Variants in GRIP2 observed in about 807,000 individuals in gnomAD.
GRIP2 encodes the protein glutamate receptor interacting protein 2.
A neutral mutation model predicts 108.3 loss-of-function variants in GRIP2; 58 were observed. The observed-to-expected ratio is 0.54, with a 90% CI of 0.43 to 0.67. The LOEUF is 0.67. GRIP2 is among the 30% of genes least tolerant of loss of function. GRIP2 has a pLI of 0.00. For synonymous variants in GRIP2, 586 were observed against 598.2 expected (o/e 0.98, Z 0.30); for missense variants, 1,278 against 1,430.6 (o/e 0.89, Z 1.72).
chr3:14,537,209 T>C (rs1292106049), intron 1 of GRIP2, among the ~76,000 whole-genome samples: 2 of 152,160 alleles, frequency 1.3e-5, no homozygotes, highest in Non-Finnish European at 2.9e-5. Flanking sequence ...GCATCGGCTG[T>C]TCCCTCTGCC....
the GRIP2 span, among the ~76,000 whole-genome samples, chr3:14,569,612 G>C: frequency 6.6e-6 from 1 of 152,178 alleles, no homozygotes; most frequent in Non-Finnish European, 1.5e-5. Flanking sequence ...GGAACCAGTT[G>C]TTTCCCAGCC....
chr3:14,530,276 T>C (rs935904260), intron 1 of GRIP2, among the ~76,000 whole-genome samples: 5 of 152,256 alleles, frequency 3.3e-5, no homozygotes, highest in Admixed American at 6.5e-5. Context: ...GCTTTTCCTG[T>C]GTCTCTGAGC....
Position 14,513,685 on chromosome 3 carries a change from T to C in GRIP2, c.1619A>G (p.Glu540Gly). The change falls in exon 13 of 24, where the codon GAG becomes GGG. Residue 540 changes from glutamate (E) to glycine (G), a missense_variant. Glu to Gly is a moderately conservative substitution (Grantham distance 98). Transcript: ENST00000621039. Reference sequence around the variant, plus strand: ...CTCACCCGCCACATCGAACTCCACCTCCAGCACGACCTTGTGGGCCAGTGC... The same window carrying C: ...CTCACCCGCCACATCGAACTCCACCCCCAGCACGACCTTGTGGGCCAGTGC... Reference protein sequence around the residue: ...DAALAHKVVLEVEFDVAESVI... With the variant: ...DAALAHKVVLGVEFDVAESVI... The C allele has an allele frequency of 1.2e-6, 2 of 1,610,610 alleles. No individual in the cohort carries two copies. The highest frequency in any genetic ancestry group is 2.2e-5 in the South Asian group (2 of 90,122).
chr3:14,550,240 T>C (rs1695124238), intron 1 of GRIP2, among the ~76,000 whole-genome samples: 2 of 152,122 alleles, frequency 1.3e-5, no homozygotes, highest in African/African-American at 4.8e-5. Context: ...TTCCCACCTC[T>C]GAGCCTTTTT....
chr3:14,590,306 T>C, the GRIP2 span, among the ~76,000 whole-genome samples: 17 of 152,340 alleles, frequency 1.1e-4, no homozygotes, highest in Admixed American at 4.6e-4. Flanking sequence ...TTGCAGATCT[T>C]TGTGTACTCA....
the GRIP2 span, among the ~76,000 whole-genome samples, chr3:14,575,668 A>T: frequency 6.6e-6 from 1 of 152,234 alleles, no homozygotes; most frequent in Admixed American, 6.5e-5. Flanking sequence ...CGAGGCTGGC[A>T]GCCTAGAGAA....
upstream of GRIP2, chr3:14,541,784 T>C (rs1694975849): frequency 1.1e-5 from 10 of 894,568 alleles, no homozygotes; most frequent in Admixed American, 2.1e-4. Flanking sequence ...ACAGGGTGGG[T>C]GGTGAGGGTC....
chr3:14,551,519 G>A (rs186831666), intron 1 of GRIP2, among the ~76,000 whole-genome samples: 4 of 152,310 alleles, frequency 2.6e-5, no homozygotes, highest in East Asian at 1.9e-4. Flanking sequence ...GGCGGAGAGC[G>A]GGAGGAGACT....
At chr3:14,517,978 A>G in intron 9 of GRIP2, 81 bp from the exon 10 acceptor site, 1 of 1,432,286 alleles carries the variant, frequency 7.0e-7, no homozygotes, top group Non-Finnish European at 9.2e-7. Flanking sequence ...AGCAAGAACC[A>G]GAAGATCCTC....
the GRIP2 span, among the ~76,000 whole-genome samples, chr3:14,576,435 G>T: frequency 6.6e-6 from 1 of 152,184 alleles, no homozygotes; most frequent in East Asian, 1.9e-4. Flanking sequence ...ACACGGCCTC[G>T]CATTTGGCTT....
chr3:14,525,035 C>T (rs1356688339), intron 3 of GRIP2, among the ~76,000 whole-genome samples: 1 of 152,198 alleles, frequency 6.6e-6, no homozygotes, highest in Non-Finnish European at 1.5e-5. Flanking sequence ...AGGAACAGAG[C>T]AGTGCAGCTG....
intron 1 of GRIP2, among the ~76,000 whole-genome samples, chr3:14,548,267 C>T (rs767456303): frequency 2.0e-5 from 3 of 152,166 alleles, no homozygotes; most frequent in East Asian, 1.9e-4. Context: ...CACAGTTCTG[C>T]GGAGAAGAGA....
chr3:14,536,026 A>T (rs1412159043), intron 1 of GRIP2, among the ~76,000 whole-genome samples: 1 of 152,260 alleles, frequency 6.6e-6, no homozygotes, highest in African/African-American at 2.4e-5. Flanking sequence ...CCCAGCTTCC[A>T]TGGGGAGAGC....
In GRIP2 at chr3:14,506,862, A is replaced by T. The variant is rs754616235; in HGVS notation, c.2337T>A (p.Ser779Arg). 2.5e-6 allele frequency: 4 copies of T among 1,607,842 alleles called. No individual in the cohort carries two copies. In the Admixed American group the frequency reaches 5.1e-5, roughly 20 times the overall value. ...CCCAAGACTCCACAGCACTGTCCAC[A>T]CTGGGCACAGCCGGCGAGAAGCGGG... ...PAARFSPAVP[S>R]VDSAVESWDS... is the part of the protein sequence containing the mutation. Residue 779 changes from serine to arginine, a missense_variant, in exon 19 of 24, where the codon AGT becomes AGA. Physicochemically the swap from Ser to Arg is moderately radical, Grantham distance 110. Transcript: ENST00000621039.
chr3:14,512,726 C>G lies in GRIP2; in HGVS notation c.1720+51G>C. The G allele has an allele frequency of 6.5e-7, 1 of 1,547,862 alleles. No homozygotes were observed. Among genetic ancestry groups the G allele is most frequent in the Non-Finnish European group, 8.9e-7 (1 of 1,124,698 alleles). On this transcript the variant is annotated intron_variant, in intron 14 of 23. Coordinates refer to ENST00000621039, the MANE Select transcript of GRIP2 (RefSeq NM_001080423.4). This position sits in a 1 kb window ranked among gnomAD's most constrained non-coding sequence, Gnocchi z 5.1. The stretch of plus-strand genomic sequence containing the variant: ...TCTGAGCTTGGCAAGCTCTTTTTCC[C>G]CAGCAGTTGAGCTCGCTCCCAGGGG...
intron 1 of GRIP2, among the ~76,000 whole-genome samples, chr3:14,530,321 A>G (rs1165810710): frequency 6.6e-6 from 1 of 152,174 alleles, no homozygotes; most frequent in African/African-American, 2.4e-5. Context: ...CCAGACGCAC[A>G]AACATCCCCC....
the GRIP2 span, among the ~76,000 whole-genome samples, chr3:14,569,589 G>A: frequency 1.3e-5 from 2 of 152,204 alleles, no homozygotes; most frequent in African/African-American, 4.8e-5. Context: ...GACATTGGGT[G>A]AGGAGACCTT....
At chr3:14,537,737 G>C (rs996843104) in intron 1 of GRIP2, among the ~76,000 whole-genome samples, 2 of 152,170 alleles carry the variant, frequency 1.3e-5, no homozygotes, top group African/African-American at 4.8e-5. Flanking sequence ...AGGGCCCCTC[G>C]GAGGAGTGGG....
chr3:14,540,750 G>T (rs566767306), upstream of GRIP2, among the ~76,000 whole-genome samples: 1 of 152,166 alleles, frequency 6.6e-6, no homozygotes, highest in East Asian at 1.9e-4. The surrounding 1 kb of genome is among the most constrained non-coding windows in gnomAD (Gnocchi z 4.1). Flanking sequence ...CAGAACCCCA[G>T]GACATAAGCT....
Sources: gnomAD v4.1 joint callset for allele counts (sites outside exome capture counted in the v4.1 genomes callset) on GRCh38, gnomAD v4.1.1 for gene constraint, Gnocchi (gnomAD v3.1) non-coding constraint, MANE v1.5 for transcripts, NCBI Gene and HGNC (gene_info 2026-07-23, HGNC 2026-07-21) for gene names.